The following PRKN variants were observed in gnomAD, a reference collection of about 807,000 sequenced individuals.
The protein encoded by PRKN is parkin RBR E3 ubiquitin protein ligase, also known as E3 ubiquitin-protein ligase parkin.
Under a neutral mutation model 59.5 loss-of-function variants are expected in PRKN, and 56 were observed. That is an observed-to-expected ratio of 0.94 (90% confidence interval 0.76 to 1.18). PRKN has a LOEUF of 1.18. Among genes scored for constraint, PRKN ranks in the 50% most tolerant of loss-of-function variants. The pLI is 0.00. For synonymous variants in PRKN, 250 were observed against 222.1 expected (o/e 1.13, Z -1.12); for missense variants, 657 against 596.4 (o/e 1.10, Z -1.06).
Position 161,397,483 on chromosome 6 carries a change from C to T in PRKN, c.1084-10606G>A, listed in dbSNP as rs976684852. ...TTTGCCCCTTCAGGGAGCATTCTAACATCAAGCTTAATTGACTGCCTCTCT... is the reference window on the plus strand; with the variant it reads ...TTTGCCCCTTCAGGGAGCATTCTAATATCAAGCTTAATTGACTGCCTCTCT... On this transcript the variant is annotated intron_variant, in intron 9 of 11. Coordinates refer to ENST00000366898, the MANE Select transcript of PRKN (RefSeq NM_004562.3). This position sits in a 1 kb window ranked among gnomAD's most constrained non-coding sequence, Gnocchi z 4.2. Among the ~76,000 whole-genome samples the T allele has an allele frequency of 1.3e-5, 2 of 152,202 alleles. No homozygotes were observed. Among genetic ancestry groups the T allele is most frequent in the Non-Finnish European group, 2.9e-5 (2 of 68,034 alleles).
At chr6:162,160,824 G>A (rs1298536650) in intron 4 of PRKN, among the ~76,000 whole-genome samples, 1 of 148,588 alleles carries the variant, frequency 6.7e-6, no homozygotes, top group Non-Finnish European at 1.5e-5. Flanking sequence ...CCGGGAGGTG[G>A]AGCTTGCAGT....
chr6:162,363,176 G>A (rs1008478671), intron 2 of PRKN, among the ~76,000 whole-genome samples: 10 of 149,024 alleles, frequency 6.7e-5, no homozygotes, highest in African/African-American at 1.5e-4. Context: ...CCTGACTTGA[G>A]TTATGGGAAA....
chr6:161,761,052 G>T (rs1385574562), intron 7 of PRKN, among the ~76,000 whole-genome samples: 1 of 152,174 alleles, frequency 6.6e-6, no homozygotes, highest in African/African-American at 2.4e-5. Flanking sequence ...CCTACCCAGA[G>T]AAATTTTATG....
intron 8 of PRKN, among the ~76,000 whole-genome samples, chr6:161,565,433 C>T (rs1780604694): frequency 6.6e-6 from 1 of 152,110 alleles, no homozygotes; most frequent in East Asian, 1.9e-4. Flanking sequence ...CCATAATGCC[C>T]ACACGTCAAG....
intron 1 of PRKN, among the ~76,000 whole-genome samples, chr6:162,713,764 T>G (rs1400456887): frequency 6.6e-6 from 1 of 152,032 alleles, no homozygotes; most frequent in Non-Finnish European, 1.5e-5. Context: ...AAAAAAGAAC[T>G]TAAAAGACAG....
At chr6:162,006,189 G>T (rs1197564827) in intron 5 of PRKN, among the ~76,000 whole-genome samples, 1 of 152,064 alleles carries the variant, frequency 6.6e-6, no homozygotes, top group Non-Finnish European at 1.5e-5. Flanking sequence ...ACTGTTCCTA[G>T]CACCCAGCAG....
intron 1 of PRKN, among the ~76,000 whole-genome samples, chr6:162,567,502 A>C (rs1438085853): frequency 2.6e-5 from 4 of 152,266 alleles, no homozygotes; most frequent in South Asian, 2.1e-4. Context: ...AATAAAAGAA[A>C]TTTTTAAAAA....
intron 2 of PRKN, among the ~76,000 whole-genome samples, chr6:162,352,483 G>A (rs541960813): frequency 2.0e-5 from 3 of 152,222 alleles, no homozygotes; most frequent in South Asian, 2.1e-4. Flanking sequence ...GATAATCTAC[G>A]TGGCAAAAAA....
chr6:162,726,056 T>A (rs1779162511), intron 1 of PRKN, among the ~76,000 whole-genome samples: 1 of 152,184 alleles, frequency 6.6e-6, no homozygotes, highest in Non-Finnish European at 1.5e-5. Context: ...TTCTTCCTTA[T>A]TGGAAGAATT....
chr6:161,569,388 C>G lies in PRKN; in HGVS notation c.900G>C (p.Glu300Asp). The G allele has an allele frequency of 6.2e-7, 1 of 1,614,002 alleles. No individual in the cohort carries two copies. Among genetic ancestry groups the G allele is most frequent in the Non-Finnish European group, 8.5e-7 (1 of 1,179,886 alleles). Residue 300 changes from glutamate to aspartate, a missense_variant, in exon 8 of 12, where the codon GAG (glutamate) becomes GAC (aspartate). Physicochemically the swap from Glu to Asp is conservative, Grantham distance 45 (BLOSUM62 2). Coordinates refer to ENST00000366898, the MANE Select transcript of PRKN (RefSeq NM_004562.3). ...CTCCCAGAATCCTGAAGTGATGGAG[C>G]TCTTTAATCAAGGAGTTGGGACAGC... ...VAGCPNSLIK[E>D]LHHFRILGEE...
chr6:161,748,744 G>A (rs1410491674), intron 7 of PRKN, among the ~76,000 whole-genome samples: 2 of 152,142 alleles, frequency 1.3e-5, no homozygotes, highest in Non-Finnish European at 2.9e-5. Flanking sequence ...AGTGTATGGA[G>A]AGCCATACCC....
At chr6:162,149,655 A>G (rs1231196056) in intron 4 of PRKN, among the ~76,000 whole-genome samples, 1 of 152,184 alleles carries the variant, frequency 6.6e-6, no homozygotes, top group Non-Finnish European at 1.5e-5. Context: ...GTGAGTGCAG[A>G]CACTCTAAGA....
At chr6:162,295,997 T>G (rs1028839181) in intron 2 of PRKN, among the ~76,000 whole-genome samples, 1 of 152,144 alleles carries the variant, frequency 6.6e-6, no homozygotes, top group Non-Finnish European at 1.5e-5. Flanking sequence ...TAAAAAGATA[T>G]ATCCCATGAA....
At chr6:161,495,238 C>T (rs1323545790) in intron 9 of PRKN, among the ~76,000 whole-genome samples, 2 of 152,182 alleles carry the variant, frequency 1.3e-5, no homozygotes, top group South Asian at 2.1e-4. Flanking sequence ...ATTTTGAGTG[C>T]TCCAAGGACG....
Position 162,372,711 on chromosome 6 carries a change from A to C in PRKN, c.171+70599T>G, listed in dbSNP as rs74817298. 8.2e-3 allele frequency among the ~76,000 whole-genome samples: 1,247 copies of C among 152,342 alleles called. 18 individuals are homozygous for C. The highest frequency in any genetic ancestry group is 0.028 in the African/African-American group (1,167 of 41,572). ...CACAGGTACCACCTGAATGTAAAAT[A>C]AAAGTTGAAATTATAAAAAATTGTA... On this transcript the variant is annotated intron_variant, in intron 2 of 11. Coordinates refer to ENST00000366898, the MANE Select transcript of PRKN (RefSeq NM_004562.3).
chr6:161,968,450 AT>A (rs1780670383), intron 6 of PRKN, among the ~76,000 whole-genome samples: 1 of 152,136 alleles, frequency 6.6e-6, no homozygotes, highest in Admixed American at 6.5e-5. Context: ...CTCCCACCCC[AT>A]CATGGCTGGA....
chr6:162,534,851 A>G (rs1464850123), intron 1 of PRKN, among the ~76,000 whole-genome samples: 1 of 152,124 alleles, frequency 6.6e-6, no homozygotes, highest in Non-Finnish European at 1.5e-5. Context: ...GAGGACAGAG[A>G]GCACTCCTGC....
chr6:161,432,060 C>T lies in PRKN; in HGVS notation c.1084-45183G>A, dbSNP rs998037204. 1.3e-5 allele frequency among the ~76,000 whole-genome samples: 2 copies of T among 152,214 alleles called. 1 individual carries two copies. The highest frequency in any genetic ancestry group is 2.9e-5 in the Non-Finnish European group (2 of 68,052). The stretch of plus-strand genomic sequence containing the variant: ...CCAAACACTGGGGTGCATTTTAATG[C>T]ATGCACACATGTGTACCCACCAAAG... On this transcript the variant is annotated intron_variant, in intron 9 of 11. Transcript: ENST00000366898.
chr6:161,595,003 C>T (rs1781863314), intron 7 of PRKN, among the ~76,000 whole-genome samples: 1 of 152,092 alleles, frequency 6.6e-6, no homozygotes, highest in Admixed American at 6.5e-5. Context: ...AAAGCAAAAT[C>T]CAATGGAAAA....
Sources: allele counts gnomAD v4.1 joint callset (sites outside exome capture counted in the v4.1 genomes callset), GRCh38; gene constraint gnomAD v4.1.1; non-coding constraint Gnocchi (gnomAD v3.1); transcripts MANE v1.5; gene names NCBI Gene and HGNC (gene_info 2026-07-23, HGNC 2026-07-21).